The following BLK variants were observed in gnomAD, a reference collection of about 807,000 sequenced individuals.
BLK encodes the protein tyrosine-protein kinase Blk.
A neutral mutation model predicts 61.8 loss-of-function variants in BLK; 64 were observed. The ratio of observed to expected loss-of-function variants is 1.03; its 90% CI spans 0.85 to 1.27. BLK has a LOEUF of 1.27. BLK is among the 50% of genes most tolerant of loss of function. BLK has a pLI of 0.00. For synonymous variants in BLK, 351 were observed against 272.0 expected (o/e 1.29, Z -2.86); for missense variants, 853 against 660.5 (o/e 1.29, Z -3.19).
At chr8:11,509,850 T>C (rs1798928725) in intron 1 of BLK, 1 of 152,254 alleles carries the variant, frequency 6.6e-6, no homozygotes, top group Non-Finnish European at 1.5e-5. Context: ...CATTTTGATT[T>C]ATCTGATGCG....
intron 11 of BLK, among the ~76,000 whole-genome samples, chr8:11,562,544 G>T (rs1801540640): frequency 6.6e-6 from 1 of 152,196 alleles, no homozygotes; most frequent in Admixed American, 6.5e-5. Context: ...GGCCCTCGGA[G>T]GTACAAGTGT....
At chr8:11,544,830 G>T (rs904601595) in intron 2 of BLK, among the ~76,000 whole-genome samples, 1 of 152,074 alleles carries the variant, frequency 6.6e-6, no homozygotes, top group Admixed American at 6.5e-5. Context: ...ATTAAGAAAA[G>T]AATATTTGTA....
chr8:11,542,140 C>G lies in BLK; in HGVS notation c.-1-1084C>G, dbSNP rs117864864. Among the ~76,000 whole-genome samples the G allele has an allele frequency of 4.1e-3, 622 of 152,288 alleles. 3 individuals carry two copies. Among genetic ancestry groups the G allele is most frequent in the Middle Eastern group, 0.014 (4 of 294 alleles). On this transcript the variant is annotated intron_variant, in intron 1 of 12. Coordinates refer to ENST00000259089, the MANE Select transcript of BLK (RefSeq NM_001715.3). ...CTGGAAGAAATGCATGACTGTGTTTCACTTAATCGAAGACGCCACTGATAG... is the reference window on the plus strand; with the variant it reads ...CTGGAAGAAATGCATGACTGTGTTTGACTTAATCGAAGACGCCACTGATAG...
intron 1 of BLK, among the ~76,000 whole-genome samples, chr8:11,511,836 T>C (rs904813101): frequency 1.3e-5 from 2 of 152,172 alleles, no homozygotes; most frequent in Non-Finnish European, 2.9e-5. Flanking sequence ...ATAATCAATA[T>C]TTAGGATAAC....
intron 1 of BLK, among the ~76,000 whole-genome samples, chr8:11,510,774 CAAAT>C (rs71203391): frequency 0.48 from 69,595 of 144,634 alleles, 17,028 homozygotes; most frequent in East Asian, 0.77. Flanking sequence ...GACTCCATCT[CAAAT>C]AAATAAATAA....
At chr8:11,550,126 C>G in intron 5 of BLK, 33 bp from the exon 6 acceptor site, 1 of 1,594,332 alleles carries the variant, frequency 6.3e-7, no homozygotes. Context: ...AGCAGGGTCG[C>G]TCTGAGTTTC....
chr8:11,548,273 C>T (rs1041112243), intron 4 of BLK, 148 bp downstream of exon 4: 2 of 680,826 alleles, frequency 2.9e-6, no homozygotes, highest in Admixed American at 2.7e-5. Context: ...TTTTCTTGAA[C>T]TTGGCCCTTT....
At chr8:11,525,440 T>C (rs111526630) in intron 1 of BLK, among the ~76,000 whole-genome samples, 1 of 152,208 alleles carries the variant, frequency 6.6e-6, no homozygotes, top group Non-Finnish European at 1.5e-5. Context: ...CTCCTTTTTT[T>C]AAATTTCACA....
chr8:11,515,543 C>T (rs558912114), intron 1 of BLK, among the ~76,000 whole-genome samples: 1 of 152,312 alleles, frequency 6.6e-6, no homozygotes, highest in South Asian at 2.1e-4. Context: ...CTGTCTTTGG[C>T]TTCTTCCTTT....
chr8:11,564,222 C>A lies in BLK; in HGVS notation c.*114C>A. On this transcript the variant is annotated 3_prime_UTR_variant, in exon 13 of 13. Coordinates refer to ENST00000259089, the MANE Select transcript of BLK (RefSeq NM_001715.3). ...GTCGCCTGTGCCCTTTTCTCAGACC[C>A]GGAATCCAGTGGGCAGAGGCAGCTT... The A allele has an allele frequency of 7.7e-7, 1 of 1,298,484 alleles. No homozygotes were observed. Among genetic ancestry groups the A allele is most frequent in the Non-Finnish European group, 1.1e-6 (1 of 934,302 alleles). 80.4% of individuals were successfully genotyped at this position (1,298,484 alleles called of 1,614,324 possible). A position where few individuals can be genotyped will look rare whatever the true frequency, so the allele number is the denominator to read the frequency against.
chr8:11,536,696 G>A (rs771209663), intron 1 of BLK, among the ~76,000 whole-genome samples: 5 of 152,164 alleles, frequency 3.3e-5, no homozygotes, highest in African/African-American at 9.7e-5. Flanking sequence ...ATGAACCACT[G>A]TGCCTGGCCA....
In BLK at chr8:11,564,553, G is replaced by T. The variant is rs775903173; in HGVS notation, c.*445G>T. 6.5e-6 allele frequency: 3 copies of T among 459,920 alleles called. No homozygotes were observed. Among genetic ancestry groups the T allele is most frequent in the South Asian group, 4.7e-5 (3 of 63,570 alleles). 28.5% of individuals were successfully genotyped at this position (459,920 alleles called of 1,614,324 possible). ...CAGGGGCAGCCCCAGCCTAGGCTGC[G>T]CTCCAGCACTGCGGGGCTTTTCTGC... is the stretch of plus-strand genomic sequence containing the variant. On this transcript the variant is annotated 3_prime_UTR_variant, in exon 13 of 13. Transcript: ENST00000259089.
intron 1 of BLK, among the ~76,000 whole-genome samples, chr8:11,540,024 C>T (rs1800307395): frequency 2.0e-5 from 3 of 152,030 alleles, no homozygotes. Flanking sequence ...TTTCTTATAC[C>T]ATCTAATATT....
chr8:11,508,474 C>T (rs1798868135), intron 1 of BLK, among the ~76,000 whole-genome samples: 1 of 152,206 alleles, frequency 6.6e-6, no homozygotes, highest in South Asian at 2.1e-4. Context: ...TGTGTGGGAC[C>T]TTCCTTGGCC....
chr8:11,557,353 A>G (rs1801284183), intron 9 of BLK, among the ~76,000 whole-genome samples: 1 of 152,172 alleles, frequency 6.6e-6, no homozygotes, highest in Non-Finnish European at 1.5e-5. Context: ...CTGCTCCTAT[A>G]GGATCCTAAC....
intron 1 of BLK, among the ~76,000 whole-genome samples, chr8:11,501,025 A>G (rs1468730212): frequency 6.6e-6 from 1 of 151,932 alleles, no homozygotes; most frequent in Non-Finnish European, 1.5e-5. Context: ...CCTGGCCAAC[A>G]TGGTGAAACC....
At chr8:11,557,241 T>C (rs1429454663) in intron 9 of BLK, among the ~76,000 whole-genome samples, 11 of 152,146 alleles carry the variant, frequency 7.2e-5, no homozygotes, top group Non-Finnish European at 1.6e-4. Flanking sequence ...GTGAATATTT[T>C]ACAAGGATGG....
chr8:11,525,699 C>T (rs1585356697), intron 1 of BLK, among the ~76,000 whole-genome samples: 2 of 152,210 alleles, frequency 1.3e-5, no homozygotes, highest in South Asian at 4.1e-4. Flanking sequence ...CCTGCCACCA[C>T]TCATGTGCCC....
intron 1 of BLK, among the ~76,000 whole-genome samples, chr8:11,497,163 T>C (rs1798390051): frequency 6.6e-6 from 1 of 152,108 alleles, no homozygotes; most frequent in African/African-American, 2.4e-5. Flanking sequence ...AGACAGCACG[T>C]AGATGGAAAT....
Sources: allele counts gnomAD v4.1 joint callset (sites outside exome capture counted in the v4.1 genomes callset), GRCh38; gene constraint gnomAD v4.1.1; transcripts MANE v1.5; gene names NCBI Gene and HGNC (gene_info 2026-07-23, HGNC 2026-07-21).